Variants in VPS50 observed in about 807,000 individuals in gnomAD.
VPS50 encodes syndetin.
A neutral mutation model predicts 139.7 loss-of-function variants in VPS50; 70 were observed. The observed-to-expected ratio is 0.50, with a 90% confidence interval of 0.41 to 0.61. The LOEUF (loss-of-function observed/expected upper bound fraction) is 0.61, where lower values mean the gene tolerates loss of function less well. VPS50 is among the 20% of genes least tolerant of loss of function. VPS50 has a pLI of 0.00. For missense variants in VPS50, 921 were observed against 1,133.7 expected, an observed-to-expected ratio of 0.81 and a Z score of 2.69; for synonymous variants, 365 against 376.7, an observed-to-expected ratio of 0.97 and a Z score of 0.36.
chr7:93,291,799 G>A lies in VPS50; in HGVS notation c.1039G>A (p.Glu347Lys). The A allele has an allele frequency of 6.2e-7, 1 of 1,603,206 alleles. No individual in the cohort carries two copies. Among genetic ancestry groups the A allele is most frequent in the Non-Finnish European group, 8.5e-7 (1 of 1,173,430 alleles). Residue 347 changes from glutamate to lysine, a missense_variant, in exon 13 of 28, where the codon GAA (glutamate) becomes AAA (lysine). Coordinates refer to ENST00000305866, the MANE Select transcript of VPS50 (RefSeq NM_017667.4). ...LSYYRTMEWH[E>K]KHDNEDTASA... is the part of the protein sequence containing the mutation. ...CTATTATAGGACTATGGAATGGCAT[G>A]AAAAGCATGACAATGAGGATACTGC...
chr7:93,319,114 C>A (rs1396284625), intron 20 of VPS50, among the ~76,000 whole-genome samples: 6 of 152,150 alleles, frequency 3.9e-5, no homozygotes, highest in Non-Finnish European at 5.9e-5. Flanking sequence ...GTGCAAAGAA[C>A]ATATCTTTCT....
At chr7:93,251,064 CT>C (rs1795311043) in intron 2 of VPS50, among the ~76,000 whole-genome samples, 1 of 152,154 alleles carries the variant, frequency 6.6e-6, no homozygotes, top group South Asian at 2.1e-4. Flanking sequence ...AATAAGAATG[CT>C]TTTACACTGT....
At chr7:93,320,065 T>G (rs1335159438) in intron 20 of VPS50, among the ~76,000 whole-genome samples, 3 of 152,100 alleles carry the variant, frequency 2.0e-5, no homozygotes, top group Non-Finnish European at 2.9e-5. Context: ...GCCTGGTGAT[T>G]TTTGATTAGC....
chr7:93,329,580 T>C, intron 21 of VPS50, among the ~76,000 whole-genome samples: 1 of 151,580 alleles, frequency 6.6e-6, no homozygotes, highest in Admixed American at 6.6e-5. Flanking sequence ...AGATGCTAAA[T>C]GAACAGCAAG....
In VPS50 at chr7:93,349,891, G is replaced by A; in HGVS notation, c.2321G>A (p.Ser774Asn). 6.2e-7 allele frequency: 1 copy of A among 1,611,712 alleles called. No homozygotes were observed. The highest frequency in any genetic ancestry group is 1.7e-5 in the Admixed American group (1 of 59,498). Reference protein sequence around the residue: ...QFYSQTVSTASELRKPIYWIV... With the variant: ...QFYSQTVSTANELRKPIYWIV... Reference sequence around the variant, plus strand: ...TTATTTCAGACAGTCTCAACCGCCAGTGAACTACGGAAACCAATTTACTGG... The same window carrying A: ...TTATTTCAGACAGTCTCAACCGCCAATGAACTACGGAAACCAATTTACTGG... The change falls in exon 25 of 28, where the codon AGT becomes AAT. Residue 774 changes from serine (S) to asparagine (N), a missense_variant. By Grantham distance (46) the Ser-to-Asn change is conservative (BLOSUM62 1). Around this residue, in one of 3 missense-constraint regions of VPS50, gnomAD observed 744 missense variants for 930.6 expected, o/e 0.80. Transcript: ENST00000305866.
At chr7:93,345,296 G>A (rs1454411776) in intron 23 of VPS50, among the ~76,000 whole-genome samples, 1 of 152,144 alleles carries the variant, frequency 6.6e-6, no homozygotes, top group African/African-American at 2.4e-5. Context: ...TTGAGTCTCT[G>A]AATAGACCAA....
chr7:93,237,415 C>T (rs1554356376), intron 1 of VPS50, among the ~76,000 whole-genome samples: 1 of 152,192 alleles, frequency 6.6e-6, no homozygotes, highest in Non-Finnish European at 1.5e-5. Context: ...ATCCTCCTAA[C>T]ATGTACACGG....
intron 2 of VPS50, 84 bp downstream of exon 2, chr7:93,240,018 C>A: frequency 1.2e-6 from 1 of 824,164 alleles, no homozygotes; most frequent in Non-Finnish European, 2.1e-6. Flanking sequence ...TTCACAGAAG[C>A]TTTTCTTTCC....
intron 19 of VPS50, among the ~76,000 whole-genome samples, chr7:93,309,661 C>A (rs953054365): frequency 6.6e-6 from 1 of 151,886 alleles, no homozygotes; most frequent in African/African-American, 2.4e-5. Flanking sequence ...AACCTTCTAT[C>A]AAGGTGTCCT....
intron 20 of VPS50, among the ~76,000 whole-genome samples, chr7:93,313,664 A>G (rs184184123): frequency 4.6e-5 from 7 of 152,324 alleles, no homozygotes; most frequent in Non-Finnish European, 4.4e-5. Flanking sequence ...TGTTAGTAAC[A>G]ACAAATTTTT....
At chr7:93,351,281 T>C (rs1798549258) in intron 25 of VPS50, among the ~76,000 whole-genome samples, 1 of 152,190 alleles carries the variant, frequency 6.6e-6, no homozygotes, top group South Asian at 2.1e-4. Context: ...ACTTGGTTTC[T>C]AGAGCACCCA....
At chr7:93,238,935 A>G (rs1261919138) in intron 1 of VPS50, among the ~76,000 whole-genome samples, 1 of 152,132 alleles carries the variant, frequency 6.6e-6, no homozygotes, top group Non-Finnish European at 1.5e-5. Flanking sequence ...GCACTTTGTA[A>G]TAAAAAATTT....
rs550402419 is a variant in VPS50 at position 93,273,527 on chromosome 7, G to GA, written c.801+801dup. 4.3e-4 allele frequency: 66 copies of GA among 151,982 alleles called. 2 individuals carry two copies. The highest frequency in any genetic ancestry group is 4.3e-3 in the Admixed American group (65 of 15,244). The allele number at this position is 151,982 out of a possible 1,614,324, so 9.4% of individuals were successfully genotyped here. A position where few individuals can be genotyped will look rare whatever the true frequency, so the allele number is the denominator to read the frequency against. ...TTTTCATGTCTTAAGCTATACCCAA[G>GA]AAAAAAATCTAAGAAGAAAGAACTT... is the stretch of plus-strand genomic sequence containing the variant. On this transcript the variant is annotated intron_variant, in intron 11 of 27. Coordinates refer to ENST00000305866, the MANE Select transcript of VPS50 (RefSeq NM_017667.4).
At chr7:93,267,867 T>C (rs73218086) in intron 9 of VPS50, among the ~76,000 whole-genome samples, 6,359 of 152,288 alleles carry the variant, frequency 0.042, 168 homozygotes, top group African/African-American at 0.065. Flanking sequence ...AAGAAGTCTA[T>C]GTGAAGTTAT....
At chr7:93,323,208 A>ACTT (rs1399855941) in intron 20 of VPS50, 2 of 152,076 alleles carry the variant, frequency 1.3e-5, no homozygotes, top group Non-Finnish European at 2.9e-5. Flanking sequence ...CCTCTATTAA[A>ACTT]CTTACACATT....
At chr7:93,327,059 AGTTTTAGCTAATTGTCAGAAT>A (rs1207963954) in intron 21 of VPS50, among the ~76,000 whole-genome samples, 1 of 152,198 alleles carries the variant, frequency 6.6e-6, no homozygotes, top group Non-Finnish European at 1.5e-5. Context: ...GACATTGTAG[AGTTTTAGCTAATTGTCAGAAT>A]GTTTTAGTCT....
chr7:93,341,623 T>A lies in VPS50; in HGVS notation c.2207+48T>A, dbSNP rs371989758. The A allele has an allele frequency of 1.3e-5, 18 of 1,357,446 alleles. 1 individual carries two copies. The East Asian group carries it at 4.0e-4, about 30-fold the overall frequency. The allele number at this position is 1,357,446 out of a possible 1,614,324, so 84.1% of individuals were successfully genotyped here. On this transcript the variant is annotated intron_variant, in intron 23 of 27. Coordinates refer to ENST00000305866, the MANE Select transcript of VPS50 (RefSeq NM_017667.4). ...GTTGCCATTAAATATTTAAGAAACT[T>A]TATAAAAGAAGCATTGTTTAATTAG...
At chr7:93,340,109 T>A (rs970702279) in intron 22 of VPS50, among the ~76,000 whole-genome samples, 2 of 152,232 alleles carry the variant, frequency 1.3e-5, no homozygotes, top group African/African-American at 4.8e-5. Flanking sequence ...TCAGTGATGT[T>A]AAGATTCCTG....
At chr7:93,322,977 G>A (rs979142479) in intron 20 of VPS50, among the ~76,000 whole-genome samples, 1 of 152,132 alleles carries the variant, frequency 6.6e-6, no homozygotes, top group African/African-American at 2.4e-5. Flanking sequence ...CCAAAAGAAG[G>A]AATGAGAAAG....
Sources: allele counts gnomAD v4.1 joint callset (sites outside exome capture counted in the v4.1 genomes callset), GRCh38; gene constraint gnomAD v4.1.1; regional missense constraint gnomAD v4.1.1; transcripts MANE v1.5; gene names NCBI Gene and HGNC (gene_info 2026-07-23, HGNC 2026-07-21).